ATP8A2: variants seen among roughly 807,000 people sequenced by gnomAD.
The protein encoded by ATP8A2 is phospholipid-transporting ATPase IB.
Under a neutral mutation model 165.6 loss-of-function variants are expected in ATP8A2, and 100 were observed. That is an observed-to-expected ratio of 0.60 (90% confidence interval 0.51 to 0.71). ATP8A2 has a LOEUF of 0.71. Ranked by LOEUF, ATP8A2 falls within the 30% of genes least tolerant of loss-of-function variation. ATP8A2 has a pLI of 0.00. For synonymous variants in ATP8A2, 543 were observed against 548.8 expected (o/e 0.99, Z 0.15); for missense variants, 1,227 against 1,479.5 (o/e 0.83, Z 2.80).
intron 1 of ATP8A2, among the ~76,000 whole-genome samples, chr13:25,424,490 C>A (rs1256874196): frequency 6.6e-6 from 1 of 152,196 alleles, no homozygotes; most frequent in African/African-American, 2.4e-5. Flanking sequence ...TCTGCAGGGA[C>A]CTCTGAGCAG....
intron 33 of ATP8A2, among the ~76,000 whole-genome samples, chr13:25,872,679 A>G (rs1447335180): frequency 6.6e-6 from 1 of 152,228 alleles, no homozygotes. Flanking sequence ...TTGGCAGCCA[A>G]CAATTCTAAC....
rs374289211 is a variant in ATP8A2 at position 25,845,184 on chromosome 13, C to T, written c.2956+5560C>T. 8.5e-5 allele frequency among the ~76,000 whole-genome samples: 13 copies of T among 152,256 alleles called. 1 individual carries two copies. Among genetic ancestry groups the T allele is most frequent in the Admixed American group, 6.5e-4 (10 of 15,286 alleles). On this transcript the variant is annotated intron_variant, in intron 30 of 36. Coordinates refer to ENST00000381655, the MANE Select transcript of ATP8A2 (RefSeq NM_016529.6). Reference sequence around the variant, plus strand: ...AGCTCCTCGCCTTTGATCTGGAAAGCGATGCTAGGTTAGACCTAGGATGTC... The same window carrying T: ...AGCTCCTCGCCTTTGATCTGGAAAGTGATGCTAGGTTAGACCTAGGATGTC...
intron 35 of ATP8A2, among the ~76,000 whole-genome samples, chr13:25,975,238 G>A (rs1956005317): frequency 6.6e-6 from 1 of 152,168 alleles, no homozygotes; most frequent in African/African-American, 2.4e-5. Context: ...TCCCTGCTGT[G>A]CTGATGGCAG....
At chr13:25,649,511 C>A (rs1315735625) in intron 24 of ATP8A2, among the ~76,000 whole-genome samples, 2 of 152,166 alleles carry the variant, frequency 1.3e-5, no homozygotes, top group African/African-American at 4.8e-5. Context: ...TCCTTCCTGC[C>A]TGTGTGGGGC....
intron 24 of ATP8A2, among the ~76,000 whole-genome samples, chr13:25,608,087 G>C (rs2040564912): frequency 6.6e-6 from 1 of 152,156 alleles, no homozygotes; most frequent in African/African-American, 2.4e-5. Flanking sequence ...CCTGTGCTTG[G>C]GTAATTTATA....
chr13:25,589,867 A>G (rs1037019988), intron 24 of ATP8A2, among the ~76,000 whole-genome samples, 168 bp downstream of exon 24: 1 of 152,242 alleles, frequency 6.6e-6, no homozygotes, highest in African/African-American at 2.4e-5. Flanking sequence ...AGAAAGCCTT[A>G]TCTTTAAACA....
chr13:25,557,902 T>TA (rs200738880), intron 13 of ATP8A2, among the ~76,000 whole-genome samples: 3 of 151,832 alleles, frequency 2.0e-5, no homozygotes, highest in Admixed American at 1.3e-4. Flanking sequence ...AAATGTTCAT[T>TA]AAAAATTTTT....
At chr13:25,836,865 C>T (rs1454207747) in intron 28 of ATP8A2, among the ~76,000 whole-genome samples, 1 of 152,226 alleles carries the variant, frequency 6.6e-6, no homozygotes, top group East Asian at 1.9e-4. Context: ...CTAACTGTGG[C>T]ATGATTCCAC....
chr13:25,976,307 A>T (rs1411412907), intron 35 of ATP8A2, among the ~76,000 whole-genome samples: 2 of 152,096 alleles, frequency 1.3e-5, no homozygotes, highest in Non-Finnish European at 2.9e-5. Flanking sequence ...TGATCCCCAC[A>T]TGCAGCAAAT....
intron 35 of ATP8A2, among the ~76,000 whole-genome samples, chr13:26,011,232 C>T (rs1956840533): frequency 6.6e-6 from 1 of 152,172 alleles, no homozygotes; most frequent in South Asian, 2.1e-4. Context: ...AGTCTGGAGG[C>T]TGGAAGTCCA....
intron 33 of ATP8A2, among the ~76,000 whole-genome samples, chr13:25,934,090 T>G (rs1194423251): frequency 6.6e-6 from 1 of 152,230 alleles, no homozygotes; most frequent in Non-Finnish European, 1.5e-5. Context: ...TACCTGATGC[T>G]AACTTAAGAA....
At chr13:25,963,646 T>C (rs1345493454) in intron 34 of ATP8A2, among the ~76,000 whole-genome samples, 1 of 152,240 alleles carries the variant, frequency 6.6e-6, no homozygotes, top group Non-Finnish European at 1.5e-5. Context: ...AATTCAGCTA[T>C]CTCAAATTAG....
intron 33 of ATP8A2, among the ~76,000 whole-genome samples, chr13:25,954,273 C>T (rs1566300831): frequency 6.6e-6 from 1 of 152,224 alleles, no homozygotes; most frequent in Admixed American, 6.5e-5. Context: ...CACTGCAGCT[C>T]TGCAAAGCCA....
At chr13:25,996,541 T>C (rs1309764422) in intron 35 of ATP8A2, among the ~76,000 whole-genome samples, 3 of 152,252 alleles carry the variant, frequency 2.0e-5, no homozygotes, top group African/African-American at 7.2e-5. Flanking sequence ...TTTTTATTTT[T>C]TGAGATGGAG....
At chr13:25,516,770 CCTTT>C (rs1046644172) in intron 2 of ATP8A2, among the ~76,000 whole-genome samples, 1 of 146,384 alleles carries the variant, frequency 6.8e-6, no homozygotes, top group Non-Finnish European at 1.5e-5. Flanking sequence ...TTTCTTTCTT[CCTTT>C]CTTTCTTACT....
chr13:25,851,406 A>G (rs1952004388), intron 30 of ATP8A2, among the ~76,000 whole-genome samples: 1 of 151,898 alleles, frequency 6.6e-6, no homozygotes, highest in South Asian at 2.1e-4. Context: ...ACTTGGTGAA[A>G]CCCCCGTCTC....
chr13:25,973,248 C>T (rs117224837), intron 35 of ATP8A2, among the ~76,000 whole-genome samples: 2,019 of 152,272 alleles, frequency 0.013, 47 homozygotes, highest in Admixed American at 0.07. Context: ...GGCGAGCCGT[C>T]GCCTCGTCTC....
intron 24 of ATP8A2, among the ~76,000 whole-genome samples, chr13:25,667,597 T>G (rs1325007538): frequency 6.6e-6 from 1 of 151,954 alleles, no homozygotes; most frequent in African/African-American, 2.4e-5. Flanking sequence ...CAGGGACATG[T>G]CCTTGAACTC....
chr13:25,441,588 A>G (rs2034932910), intron 1 of ATP8A2, among the ~76,000 whole-genome samples: 2 of 152,180 alleles, frequency 1.3e-5, no homozygotes, highest in South Asian at 2.1e-4. Context: ...TGCAATCTAG[A>G]TACAAATTAT....
Sources: gnomAD v4.1 joint callset for allele counts (sites outside exome capture counted in the v4.1 genomes callset) on GRCh38, gnomAD v4.1.1 for gene constraint, MANE v1.5 for transcripts, NCBI Gene and HGNC (gene_info 2026-07-23, HGNC 2026-07-21) for gene names.